The following FAT1 variants were observed in gnomAD, a reference collection of about 807,000 sequenced individuals.
FAT1 encodes the protein FAT atypical cadherin 1, also known as protocadherin Fat 1.
FAT1 carries 171 observed loss-of-function variants against 329.8 expected under a neutral mutation model. That is an observed-to-expected ratio of 0.52 (90% CI 0.46 to 0.59). The LOEUF (loss-of-function observed/expected upper bound fraction) is 0.59. Ranked by LOEUF, FAT1 falls within the 20% of genes least tolerant of loss-of-function variation. The pLI is 0.00. For missense variants in FAT1, 5,672 were observed against 5,774.4 expected, an observed-to-expected ratio of 0.98 and a Z score of 0.57; for synonymous variants, 2,233 against 2,228.6, an observed-to-expected ratio of 1.00 and a Z score of -0.06.
chr4:186,619,125 C>T lies in FAT1; in HGVS notation c.7461G>A (p.Leu2487=), dbSNP rs777124589. The T allele has an allele frequency of 1.9e-6, 3 of 1,613,988 alleles. No individual in the cohort carries two copies. The highest frequency in any genetic ancestry group is 1.7e-6 in the Non-Finnish European group (2 of 1,179,906). ...QVHVTVIGGN[L]HSPAFLQNEY... is the part of the protein sequence containing the mutation. The stretch of plus-strand genomic sequence containing the variant: ...CGTTCTGAAGGAAAGCAGGACTGTG[C>T]AAATTGCCTCCAATTACAGTTACAT... Residue 2487 remains leucine (L), a synonymous_variant, in exon 10 of 27, where the codon TTG becomes TTA. Transcript: ENST00000441802.
chr4:186,653,985 G>A (rs1741786978), intron 3 of FAT1, among the ~76,000 whole-genome samples: 1 of 152,154 alleles, frequency 6.6e-6, no homozygotes, highest in South Asian at 2.1e-4. Flanking sequence ...AGCCTGAAAA[G>A]CAACTATTAT....
chr4:186,707,457 T>G lies in FAT1; in HGVS notation c.2371A>C (p.Asn791His), dbSNP rs771952112. ...ATCCCAAGGTCATAGACGGTAATAT[T>G]CAGGGTGTATTTGTCTGTTGTTTCA... is the stretch of plus-strand genomic sequence containing the variant. ...DRETTDKYTL[N>H]ITVYDLGIPQ... The change falls in exon 2 of 27, where the codon AAT becomes CAT. Residue 791 changes from asparagine (N) to histidine (H), a missense_variant. Asn to His is a moderately conservative substitution (Grantham distance 68). Transcript: ENST00000441802. The G allele has an allele frequency of 6.2e-7, 1 of 1,613,856 alleles. No individual in the cohort carries two copies. The highest frequency in any genetic ancestry group is 1.3e-5 in the African/African-American group (1 of 74,912).
intron 3 of FAT1, among the ~76,000 whole-genome samples, chr4:186,661,789 G>A (rs148378594): frequency 1.8e-4 from 28 of 152,174 alleles, no homozygotes; most frequent in East Asian, 5.8e-4. Context: ...CAGGAGTTTC[G>A]GAGGCCTGGG....
At chr4:186,665,487 T>A (rs1326454163) in intron 2 of FAT1, among the ~76,000 whole-genome samples, 3 of 152,216 alleles carry the variant, frequency 2.0e-5, no homozygotes, top group African/African-American at 7.2e-5. Flanking sequence ...GCTGCATAAA[T>A]GTCTTCTTTT....
rs916808618 is a variant in FAT1 at position 186,617,144 on chromosome 4, T to C, written c.8936A>G (p.Tyr2979Cys). 4.3e-6 allele frequency: 7 copies of C among 1,613,824 alleles called. No individual in the cohort carries two copies. The highest frequency in any genetic ancestry group is 5.9e-6 in the Non-Finnish European group (7 of 1,179,748). The change falls in exon 11 of 27, where the codon TAT becomes TGT. Residue 2979 changes from tyrosine (Y) to cysteine (C), a missense_variant. This residue lies in a region of FAT1 where 3,966 missense variants were observed against 3,915.2 expected (regional missense o/e 1.01). Coordinates refer to ENST00000441802, the MANE Select transcript of FAT1 (RefSeq NM_005245.4). ...TTCCCTGTCTAGAGGTTTCTTCACA[T>C]ATACCTTCCATTCATTCTGTATAGT... ...VETIQNEWKV[Y>C]VKKPLDREKR...
chr4:186,635,733 T>C (rs1007615035), intron 6 of FAT1, among the ~76,000 whole-genome samples: 7 of 152,258 alleles, frequency 4.6e-5, no homozygotes, highest in Non-Finnish European at 8.8e-5. Context: ...GCTGTGCTTC[T>C]GGACCAAAAC....
At chr4:186,719,479 A>T (rs1041876866) in intron 1 of FAT1, among the ~76,000 whole-genome samples, 2 of 152,198 alleles carry the variant, frequency 1.3e-5, no homozygotes, top group African/African-American at 4.8e-5. Flanking sequence ...AACTATATAG[A>T]CTTTTCACCC....
rs530448275 is a variant in FAT1 at position 186,667,078 on chromosome 4, T to C, written c.3266-3465A>G. Among the ~76,000 whole-genome samples the C allele has an allele frequency of 3.9e-5, 6 of 152,368 alleles. No individual in the cohort carries two copies. In the South Asian group the frequency reaches 6.2e-4, roughly 16 times the overall value. On this transcript the variant is annotated intron_variant, in intron 2 of 26. Transcript: ENST00000441802. ...GTATTAAATGTTCACTCATACACAA[T>C]AGCTTTCTCTAATCTCAAGGGAAAA...
Position 186,588,940 on chromosome 4 carries a change from G to A in FAT1, c.13419C>T (p.Ser4473=), listed in dbSNP as rs1291886410. 1 of 1,613,976 alleles carries A rather than the reference G, an allele frequency of 6.2e-7. No homozygotes were observed. Among genetic ancestry groups the A allele is most frequent in the South Asian group, 1.1e-5 (1 of 91,082 alleles). Residue 4473 remains serine (S), a synonymous_variant, in exon 27 of 27, where the codon AGC becomes AGT. Coordinates refer to ENST00000441802, the MANE Select transcript of FAT1 (RefSeq NM_005245.4). ...GCCGGTTTCTTGATGAAGAACCCAA[G>A]CTACCCGCGGCAGGCATGTCTCTAG... ...HPPRDMPAAG[S]LGSSSRNRQR... is the part of the protein sequence containing the mutation.
chr4:186,716,752 G>C (rs760425125), intron 1 of FAT1, among the ~76,000 whole-genome samples: 6 of 152,154 alleles, frequency 3.9e-5, no homozygotes, highest in Non-Finnish European at 5.9e-5. Context: ...TCATGAAGTT[G>C]TCAAGAGATT....
intron 12 of FAT1, among the ~76,000 whole-genome samples, chr4:186,613,768 AAAAT>A (rs1452705076): frequency 6.6e-6 from 1 of 152,246 alleles, no homozygotes; most frequent in African/African-American, 2.4e-5. Flanking sequence ...ACTCTATTTT[AAAAT>A]AAATAAAATC....
At chr4:186,633,662 G>GT in intron 7 of FAT1, 22 bp downstream of exon 7, 1 of 1,613,484 alleles carries the variant, frequency 6.2e-7, no homozygotes, top group South Asian at 1.1e-5. Flanking sequence ...TCTGACAAGT[G>GT]TGTCATTAGT....
At chr4:186,609,351 C>T in intron 15 of FAT1, 31 bp from the exon 16 acceptor site, 1 of 1,605,562 alleles carries the variant, frequency 6.2e-7, no homozygotes. Flanking sequence ...GTTTAGGAGA[C>T]AGCTAAGAAG....
intron 2 of FAT1, among the ~76,000 whole-genome samples, chr4:186,681,237 T>A (rs1743192076): frequency 6.6e-6 from 1 of 152,234 alleles, no homozygotes; most frequent in Admixed American, 6.5e-5. Flanking sequence ...TACCTCTCTA[T>A]ATTTACTATT....
At position 186,706,756 on chromosome 4, in the gene FAT1, A is replaced by G. The variant is rs1744630148; in HGVS notation, c.3072T>C (p.Asp1024=). Residue 1024 remains aspartate (D), a synonymous_variant, in exon 2 of 27, where the codon GAT becomes GAC. Coordinates refer to ENST00000441802, the MANE Select transcript of FAT1 (RefSeq NM_005245.4). The stretch of plus-strand genomic sequence containing the variant: ...CGGGTGGGTGCAGGTTCTCATTCAC[A>G]TCAACCACCTCAACTTCAACATAGC... The part of the protein sequence containing the change: ...STCYVEVEVV[D]VNENLHPPVF... 1 of 1,613,964 alleles carries G rather than the reference A, an allele frequency of 6.2e-7. No homozygotes were observed. Among genetic ancestry groups the G allele is most frequent in the African/African-American group, 1.3e-5 (1 of 75,028 alleles).
chr4:186,627,348 T>C (rs932748168), intron 9 of FAT1, among the ~76,000 whole-genome samples: 4 of 151,936 alleles, frequency 2.6e-5, no homozygotes, highest in African/African-American at 9.7e-5. Flanking sequence ...ACCTGACACA[T>C]AAAACGAGCT....
intron 13 of FAT1, among the ~76,000 whole-genome samples, chr4:186,612,659 T>C (rs1208395174): frequency 1.3e-5 from 2 of 152,242 alleles, no homozygotes; most frequent in African/African-American, 4.8e-5. Context: ...GTGGTATGAC[T>C]GAAGAAGTTA....
chr4:186,663,704 CT>C, intron 2 of FAT1, 91 bp from the exon 3 acceptor site: 1 of 959,970 alleles, frequency 1.0e-6, no homozygotes, highest in Non-Finnish European at 1.5e-6. Flanking sequence ...TTACTGAGAG[CT>C]TTATATGTCT....
Position 186,617,747 on chromosome 4 carries a change from A to C in FAT1, c.8839T>G (p.Ser2947Ala). ...IAILSTTDADSEEINRQVTYF... is the reference protein window; with the variant it reads ...IAILSTTDADAEEINRQVTYF... ...GTAACTTGTCTGTTGATCTCTTCAG[A>C]ATCAGCATCCGTGGTACTTAAGATG... Residue 2947 changes from serine (S) to alanine (A), a missense_variant, in exon 10 of 27, where the codon TCT becomes GCT. Transcript: ENST00000441802. The C allele has an allele frequency of 6.2e-7, 1 of 1,608,730 alleles. No individual in the cohort carries two copies. Among genetic ancestry groups the C allele is most frequent in the Non-Finnish European group, 8.5e-7 (1 of 1,176,626 alleles).
Sources: gnomAD v4.1 joint callset for allele counts (sites outside exome capture counted in the v4.1 genomes callset) on GRCh38, gnomAD v4.1.1 for gene constraint, gnomAD v4.1.1 regional missense constraint, MANE v1.5 for transcripts, NCBI Gene and HGNC (gene_info 2026-07-23, HGNC 2026-07-21) for gene names.